Variants in PSAP observed in about 807,000 individuals in gnomAD.
PSAP encodes prosaposin.
PSAP carries 25 observed loss-of-function variants against 66.0 expected under a neutral mutation model. The ratio of observed to expected loss-of-function variants is 0.38; its 90% CI spans 0.28 to 0.53. PSAP has a LOEUF of 0.53. PSAP is among the 20% of genes least tolerant of loss of function. The probability of loss-of-function intolerance (pLI) is 0.83; values close to 1 mark genes in which losing one functional copy is unlikely to be tolerated. For synonymous variants in PSAP, 273 were observed against 258.9 expected (o/e 1.05, Z -0.52); for missense variants, 649 against 668.8 (o/e 0.97, Z 0.33).
intron 1 of PSAP, among the ~76,000 whole-genome samples, chr10:71,838,367 G>T (rs867333390): frequency 4.8e-4 from 73 of 152,208 alleles, no homozygotes; most frequent in Admixed American, 4.4e-3. Flanking sequence ...AGGGCCTGGG[G>T]CCCCACCCAG....
chr10:71,841,185 G>A (rs552650109), intron 1 of PSAP, among the ~76,000 whole-genome samples: 181 of 152,338 alleles, frequency 1.2e-3, no homozygotes, highest in African/African-American at 4.1e-3. Flanking sequence ...CCAGCATGCT[G>A]CACCGCAGTT....
At chr10:71,826,999 C>A (rs1589450331) in intron 6 of PSAP, among the ~76,000 whole-genome samples, 1 of 152,158 alleles carries the variant, frequency 6.6e-6, no homozygotes, top group Non-Finnish European at 1.5e-5. Context: ...TCTGAGCCCA[C>A]AGGACTAAGG....
At position 71,817,324 on chromosome 10, in the gene PSAP, G is replaced by T; in HGVS notation, c.*117C>A. 2 of 1,127,936 alleles carry T rather than the reference G, an allele frequency of 1.8e-6. No individual in the cohort carries two copies. The highest frequency in any genetic ancestry group is 2.7e-6 in the Non-Finnish European group (2 of 740,418). 69.9% of individuals were successfully genotyped at this position (1,127,936 alleles called of 1,614,324 possible). A position where few individuals can be genotyped will look rare whatever the true frequency, so the allele number is the denominator to read the frequency against. ...AATAAAGGACACAGAAATGGGGGAG[G>T]TGGGGGAGCCCTATTTTTATAACAA... On this transcript the variant is annotated 3_prime_UTR_variant, in exon 14 of 14. Transcript: ENST00000394936.
In PSAP at chr10:71,817,754, A is replaced by G. The variant is rs555201150; in HGVS notation, c.1540-278T>C. On this transcript the variant is annotated intron_variant, in intron 13 of 13. Coordinates refer to ENST00000394936, the MANE Select transcript of PSAP (RefSeq NM_002778.4). Reference sequence around the variant, plus strand: ...ACGCAGGCAGGGCTCAGGACCCTTCATCTACCTGCACCCGGCACCCAGCGT... The same window carrying G: ...ACGCAGGCAGGGCTCAGGACCCTTCGTCTACCTGCACCCGGCACCCAGCGT... 2.6e-4 allele frequency among the ~76,000 whole-genome samples: 39 copies of G among 152,286 alleles called. No homozygotes were observed. The East Asian group carries it at 6.9e-3, about 27-fold the overall frequency.
intron 1 of PSAP, among the ~76,000 whole-genome samples, chr10:71,843,225 TG>T (rs764841572): frequency 6.6e-6 from 1 of 150,824 alleles, no homozygotes; most frequent in Non-Finnish European, 1.5e-5. Context: ...TCCAGAGAGG[TG>T]GAATTCAAAA....
chr10:71,822,505 T>TA (rs1842323975), intron 7 of PSAP: 1 of 448,158 alleles, frequency 2.2e-6, no homozygotes. Context: ...GCTGGCTTTT[T>TA]AAAAAACCAC....
chr10:71,816,533 C>A lies in PSAP; in HGVS notation c.*908G>T, dbSNP rs1424150581. Reference sequence around the variant, plus strand: ...CGGCATGCCGCCCTCTACCAGGAAGCCAGAGGCCTAGGAGCTCGCCATCCA... The same window carrying A: ...CGGCATGCCGCCCTCTACCAGGAAGACAGAGGCCTAGGAGCTCGCCATCCA... On this transcript the variant is annotated 3_prime_UTR_variant, in exon 14 of 14. Coordinates refer to ENST00000394936, the MANE Select transcript of PSAP (RefSeq NM_002778.4). 1 of 455,626 alleles carries A rather than the reference C, an allele frequency of 2.2e-6. No homozygotes were observed. The highest frequency in any genetic ancestry group is 4.7e-6 in the Non-Finnish European group (1 of 214,186). The allele number at this position is 455,626 out of a possible 1,614,324, so 28.2% of individuals were successfully genotyped here.
chr10:71,837,350 G>C (rs1283977118), intron 1 of PSAP, among the ~76,000 whole-genome samples: 2 of 152,256 alleles, frequency 1.3e-5, no homozygotes, highest in Non-Finnish European at 2.9e-5. Context: ...CAGCCGCCAA[G>C]AGGTGCAAAG....
rs1164192020 is a variant in PSAP at position 71,816,490 on chromosome 10, C to A, written c.*951G>T. 6.4e-6 allele frequency: 3 copies of A among 470,840 alleles called. No homozygotes were observed. The highest frequency in any genetic ancestry group is 1.3e-5 in the Non-Finnish European group (3 of 226,638). 29.2% of individuals were successfully genotyped at this position (470,840 alleles called of 1,614,324 possible). A position where few individuals can be genotyped will look rare whatever the true frequency, so the allele number is the denominator to read the frequency against. On this transcript the variant is annotated 3_prime_UTR_variant, in exon 14 of 14. Transcript: ENST00000394936. ...AACCCCCACACCCCAGCATCCAATC[C>A]ACACCCAGCAGACCCTTCGGCATGC...
At chr10:71,838,327 G>C (rs376659574) in intron 1 of PSAP, among the ~76,000 whole-genome samples, 2 of 152,254 alleles carry the variant, frequency 1.3e-5, no homozygotes, top group Non-Finnish European at 1.5e-5. Flanking sequence ...CATGAGCAAC[G>C]TGAGCTGCTC....
At chr10:71,836,944 C>G (rs746366340) in intron 1 of PSAP, among the ~76,000 whole-genome samples, 37 of 152,190 alleles carry the variant, frequency 2.4e-4, no homozygotes, top group Non-Finnish European at 4.6e-4. Flanking sequence ...TAATCTTGGG[C>G]AGCCCCTTGT....
Position 71,846,656 on chromosome 10 carries a change from C to T in PSAP, c.40+4526G>A, listed in dbSNP as rs183942325. Among the ~76,000 whole-genome samples the T allele has an allele frequency of 3.5e-3, 517 of 147,872 alleles. 3 individuals carry two copies. The highest frequency in any genetic ancestry group is 0.012 in the African/African-American group (477 of 40,122). Reference sequence around the variant, plus strand: ...CTGAGGTATGAGAATCACTTAAACCCGGGAGGTGGAGGTTGCAGTGAGCTG... The same window carrying T: ...CTGAGGTATGAGAATCACTTAAACCTGGGAGGTGGAGGTTGCAGTGAGCTG... On this transcript the variant is annotated intron_variant, in intron 1 of 13. Transcript: ENST00000394936.
intron 2 of PSAP, among the ~76,000 whole-genome samples, 190 bp downstream of exon 2, chr10:71,834,182 A>G (rs1842577025): frequency 6.6e-6 from 1 of 152,212 alleles, no homozygotes; most frequent in South Asian, 2.1e-4. Flanking sequence ...AACCTCTCTG[A>G]GCCTCCATCT....
rs201003642 is a variant in PSAP, at chr10:71,825,937, T to C, written c.721-44A>G. On this transcript the variant is annotated intron_variant, in intron 6 of 13. Coordinates refer to ENST00000394936, the MANE Select transcript of PSAP (RefSeq NM_002778.4). The stretch of plus-strand genomic sequence containing the variant: ...ATTGCTAAACAAATCACTGCAACAA[T>C]GCACCAAAACCCAACCAACAAAAAC... 406 of 1,564,356 alleles carry C rather than the reference T, an allele frequency of 2.6e-4. 1 individual carries two copies. In the Middle Eastern group the frequency reaches 2.9e-3, roughly 11 times the overall value.
At chr10:71,825,750 TA>T in intron 7 of PSAP, 86 bp downstream of exon 7, 1 of 1,309,830 alleles carries the variant, frequency 7.6e-7, no homozygotes. Context: ...AAAGGGAAAC[TA>T]AACCATATAA....
At chr10:71,834,667 C>G (rs1344946232) in intron 1 of PSAP, among the ~76,000 whole-genome samples, 162 bp from the exon 2 acceptor site, 4 of 152,328 alleles carry the variant, frequency 2.6e-5, no homozygotes, top group Admixed American at 2.6e-4. Context: ...ACACGCCTGT[C>G]CCGGTCAAGA....
chr10:71,831,005 T>A, intron 4 of PSAP, 121 bp downstream of exon 4: 1 of 1,444,766 alleles, frequency 6.9e-7, no homozygotes, highest in South Asian at 1.1e-5. Flanking sequence ...TGTAGCAAAA[T>A]GCTGTTGAGG....
At chr10:71,823,945 A>C (rs1842352221) in intron 7 of PSAP, 1 of 1,269,870 alleles carries the variant, frequency 7.9e-7, no homozygotes, top group South Asian at 1.2e-5. Context: ...AGAGAAAGGA[A>C]AGGACACAAC....
Position 71,829,534 on chromosome 10 carries a change from A to G in PSAP, c.376-457T>C, listed in dbSNP as rs181411847. On this transcript the variant is annotated intron_variant, in intron 4 of 13. Coordinates refer to ENST00000394936, the MANE Select transcript of PSAP (RefSeq NM_002778.4). ...TAAGATGTGGCTTTGCTCCTCCTTCACCTTCCACCATGATTTTGAGGCCCC... is the reference window on the plus strand; with the variant it reads ...TAAGATGTGGCTTTGCTCCTCCTTCGCCTTCCACCATGATTTTGAGGCCCC... 5.7e-3 allele frequency among the ~76,000 whole-genome samples: 860 copies of G among 151,956 alleles called. 18 individuals are homozygous for G. Among genetic ancestry groups the G allele is most frequent in the African/African-American group, 0.02 (831 of 41,432 alleles).
Sources: allele counts gnomAD v4.1 joint callset (sites outside exome capture counted in the v4.1 genomes callset), GRCh38; gene constraint gnomAD v4.1.1; transcripts MANE v1.5; gene names NCBI Gene and HGNC (gene_info 2026-07-23, HGNC 2026-07-21).